The following SNTG1 variants were observed in gnomAD, a reference collection of about 807,000 sequenced individuals.
SNTG1 encodes the protein gamma-1-syntrophin.
In SNTG1, 39 loss-of-function variants were observed where a neutral mutation model predicts 74.7. The ratio of observed to expected loss-of-function variants is 0.52; its 90% CI spans 0.40 to 0.68. The LOEUF (loss-of-function observed/expected upper bound fraction) is 0.68. Among genes scored for constraint, SNTG1 ranks in the 30% least tolerant of loss-of-function variants. SNTG1 has a pLI of 0.00. For synonymous variants in SNTG1, 254 were observed against 217.1 expected (o/e 1.17, Z -1.49); for missense variants, 685 against 609.5 (o/e 1.12, Z -1.30).
At chr8:50,514,223 T>C (rs968068443) in intron 9 of SNTG1, among the ~76,000 whole-genome samples, 2 of 152,202 alleles carry the variant, frequency 1.3e-5, no homozygotes, top group African/African-American at 4.8e-5. Flanking sequence ...TCTGCTCTAA[T>C]CTTTATAATG....
At chr8:50,111,550 C>A (rs1325556564) in intron 1 of SNTG1, among the ~76,000 whole-genome samples, 1 of 152,120 alleles carries the variant, frequency 6.6e-6, no homozygotes, top group Non-Finnish European at 1.5e-5. Context: ...AGGCTTCCAG[C>A]CTCCAGAAAT....
chr8:50,485,421 G>A (rs554629120), intron 8 of SNTG1, among the ~76,000 whole-genome samples: 76 of 152,016 alleles, frequency 5.0e-4, no homozygotes, highest in Non-Finnish European at 8.8e-4. Flanking sequence ...CCTTTTAACT[G>A]GTTGTAAATA....
At chr8:50,574,279 T>C (rs1164479824) in intron 12 of SNTG1, among the ~76,000 whole-genome samples, 1 of 152,140 alleles carries the variant, frequency 6.6e-6, no homozygotes, top group Admixed American at 6.5e-5. Context: ...GTATATTCTT[T>C]CACTTAAAAA....
chr8:50,649,122 G>T (rs1434698936), intron 13 of SNTG1, among the ~76,000 whole-genome samples: 1 of 152,022 alleles, frequency 6.6e-6, no homozygotes, highest in African/African-American at 2.4e-5. Context: ...AAAATATATT[G>T]GTGGCACAGT....
At chr8:50,192,236 A>G (rs1315766520) in intron 2 of SNTG1, among the ~76,000 whole-genome samples, 1 of 152,174 alleles carries the variant, frequency 6.6e-6, no homozygotes, top group East Asian at 1.9e-4. Context: ...GCTTGGTATT[A>G]TCAGATTCCA....
chr8:50,257,807 T>C (rs765728606), intron 2 of SNTG1, among the ~76,000 whole-genome samples: 21 of 152,142 alleles, frequency 1.4e-4, no homozygotes, highest in Non-Finnish European at 2.6e-4. Flanking sequence ...CTGCCGCAAA[T>C]GGAGCTCCAA....
intron 14 of SNTG1, 53 bp from the exon 15 acceptor site, chr8:50,658,539 G>A: frequency 7.7e-7 from 1 of 1,301,344 alleles, no homozygotes. Context: ...ATCAAATACA[G>A]TGGTAAATAA....
chr8:49,923,712 A>G (rs943364283), intron 1 of SNTG1, among the ~76,000 whole-genome samples: 1 of 152,178 alleles, frequency 6.6e-6, no homozygotes, highest in African/African-American at 2.4e-5. Flanking sequence ...GAGAAAAAAA[A>G]AAGGCTTGGC....
At chr8:50,183,784 T>G (rs2083290687) in intron 2 of SNTG1, among the ~76,000 whole-genome samples, 1 of 152,204 alleles carries the variant, frequency 6.6e-6, no homozygotes, top group Non-Finnish European at 1.5e-5. Flanking sequence ...CTCTTACTTA[T>G]GAGTCATCAT....
At chr8:50,063,743 T>A (rs189487783) in intron 1 of SNTG1, among the ~76,000 whole-genome samples, 56 of 152,298 alleles carry the variant, frequency 3.7e-4, no homozygotes, top group East Asian at 1.7e-3. Context: ...TAGCTTTTTT[T>A]TAAAAATATA....
At chr8:49,947,664 T>A (rs1326404232) in intron 1 of SNTG1, among the ~76,000 whole-genome samples, 1 of 152,194 alleles carries the variant, frequency 6.6e-6, no homozygotes, top group Non-Finnish European at 1.5e-5. Context: ...GACTTTTTAA[T>A]CTCCTTGAGA....
At chr8:50,263,015 T>A (rs1158329149) in intron 2 of SNTG1, among the ~76,000 whole-genome samples, 1 of 152,180 alleles carries the variant, frequency 6.6e-6, no homozygotes, top group Non-Finnish European at 1.5e-5. Context: ...ATACTCCGTT[T>A]AGCAGTCTAT....
intron 9 of SNTG1, among the ~76,000 whole-genome samples, chr8:50,508,417 A>T (rs554567799): frequency 6.6e-6 from 1 of 152,130 alleles, no homozygotes; most frequent in Non-Finnish European, 1.5e-5. Flanking sequence ...ATGACTTATA[A>T]TCCTTTGGGT....
At chr8:50,172,751 T>G (rs4873417) in intron 2 of SNTG1, 116 bp downstream of exon 2, 2 of 148,160 alleles carry the variant, frequency 1.3e-5, no homozygotes, top group Non-Finnish European at 3.0e-5. Flanking sequence ...TTTTTGAAGC[T>G]TCTTTCTCTG....
intron 15 of SNTG1, among the ~76,000 whole-genome samples, chr8:50,684,186 C>T (rs1472138875): frequency 1.3e-5 from 2 of 152,186 alleles, no homozygotes; most frequent in East Asian, 3.9e-4. Flanking sequence ...GTAGTATTTC[C>T]CCCTCACTGG....
intron 17 of SNTG1, among the ~76,000 whole-genome samples, chr8:50,747,182 G>A (rs2095556965): frequency 6.6e-6 from 1 of 151,822 alleles, no homozygotes; most frequent in African/African-American, 2.4e-5. Context: ...ATCTGGAAAA[G>A]TAGTATAATG....
chr8:50,768,919 T>C (rs761194179), intron 18 of SNTG1, among the ~76,000 whole-genome samples: 4 of 152,038 alleles, frequency 2.6e-5, no homozygotes, highest in African/African-American at 4.8e-5. Flanking sequence ...TGAAATTTTA[T>C]TTCAAACTAA....
At chr8:50,393,274 C>T (rs1233189817) in intron 2 of SNTG1, among the ~76,000 whole-genome samples, 1 of 152,026 alleles carries the variant, frequency 6.6e-6, no homozygotes, top group Non-Finnish European at 1.5e-5. Context: ...ATACCTCCTA[C>T]TCTGTTTTGC....
intron 2 of SNTG1, among the ~76,000 whole-genome samples, chr8:50,335,447 G>A (rs983937737): frequency 2.6e-5 from 4 of 152,120 alleles, no homozygotes; most frequent in African/African-American, 9.7e-5. Flanking sequence ...GCAGTTGTTT[G>A]TGGTAGGAAT....
Sources: allele counts gnomAD v4.1 joint callset (sites outside exome capture counted in the v4.1 genomes callset), GRCh38; gene constraint gnomAD v4.1.1; transcripts MANE v1.5; gene names NCBI Gene and HGNC (gene_info 2026-07-23, HGNC 2026-07-21).